The following BCAS3 variants were observed in gnomAD, a reference collection of about 807,000 sequenced individuals.
BCAS3 encodes the protein BCAS4/BCAS3 fusion.
BCAS3 carries 53 observed loss-of-function variants against 116.1 expected under a neutral mutation model. The observed-to-expected ratio is 0.46, with a 90% CI of 0.37 to 0.57. BCAS3 has a LOEUF of 0.57. BCAS3 is among the 20% of genes least tolerant of loss of function. The pLI is 0.00. For synonymous variants in BCAS3, 391 were observed against 408.2 expected (o/e 0.96, Z 0.51); for missense variants, 917 against 1,165.4 (o/e 0.79, Z 3.10).
chr17:60,995,447 C>T lies in BCAS3; in HGVS notation c.1486+5212C>T, dbSNP rs1386256089. Reference sequence around the variant, plus strand: ...AAAGTGCTGGGATTACAGACATGAGCCACCGCGCCCAGCCGAATTTTTGTA... The same window carrying T: ...AAAGTGCTGGGATTACAGACATGAGTCACCGCGCCCAGCCGAATTTTTGTA... On this transcript the variant is annotated intron_variant, in intron 15 of 23. Coordinates refer to ENST00000407086, the MANE Select transcript of BCAS3 (RefSeq NM_017679.5). This position sits in a 1 kb window ranked among gnomAD's most constrained non-coding sequence, Gnocchi z 4.7. Among the ~76,000 whole-genome samples, 1 of 152,002 alleles carries T rather than the reference C, an allele frequency of 6.6e-6. No homozygotes were observed. The highest frequency in any genetic ancestry group is 1.5e-5 in the Non-Finnish European group (1 of 67,992).
chr17:60,784,169 G>A (rs992816553), intron 6 of BCAS3, among the ~76,000 whole-genome samples: 3 of 151,526 alleles, frequency 2.0e-5, no homozygotes, highest in Admixed American at 6.6e-5. Flanking sequence ...ATCTAAAGGA[G>A]TGCAGCATTT....
rs1568901207 is a variant in BCAS3, at chr17:61,343,769, C to T, written c.2426-24558C>T. 6.6e-6 allele frequency among the ~76,000 whole-genome samples: 1 copy of T among 152,212 alleles called. No individual in the cohort carries two copies. The highest frequency in any genetic ancestry group is 2.1e-4 in the South Asian group (1 of 4,834). On this transcript the variant is annotated intron_variant, in intron 22 of 23. Transcript: ENST00000407086. The surrounding 1 kb of genome is among the most constrained non-coding windows in gnomAD (Gnocchi z 5.5). Reference sequence around the variant, plus strand: ...TGTCTAAGTCAAAAGCAGCTTAATTCCTCTAAAAACAGTGCCCGTTGGGCA... The same window carrying T: ...TGTCTAAGTCAAAAGCAGCTTAATTTCTCTAAAAACAGTGCCCGTTGGGCA...
intron 12 of BCAS3, among the ~76,000 whole-genome samples, chr17:60,913,369 T>G (rs1355000788): frequency 6.6e-6 from 1 of 152,106 alleles, no homozygotes; most frequent in Admixed American, 6.5e-5. Context: ...AAATTGATTT[T>G]CAATAAAAGG....
chr17:60,914,329 T>G (rs947262234), intron 12 of BCAS3, among the ~76,000 whole-genome samples: 11 of 152,210 alleles, frequency 7.2e-5, no homozygotes, highest in African/African-American at 2.7e-4. Flanking sequence ...TTTATATTTG[T>G]GAAGTCCATA....
intron 5 of BCAS3, among the ~76,000 whole-genome samples, chr17:60,736,428 C>T (rs1037461117): frequency 2.6e-5 from 4 of 151,918 alleles, no homozygotes; most frequent in Non-Finnish European, 4.4e-5. Context: ...TCAAGTGATC[C>T]ACCCACGTCA....
Position 61,199,452 on chromosome 17 carries a change from C to T in BCAS3, c.2425+114888C>T, listed in dbSNP as rs1221284063. On this transcript the variant is annotated intron_variant, in intron 22 of 23. Transcript: ENST00000407086. This position sits in a 1 kb window ranked among gnomAD's most constrained non-coding sequence, Gnocchi z 4.6. ...CCCCTAGTTTAAAGGCAAATAGTAG[C>T]TATCACAACCAAATTTAGAATGTGA... Among the ~76,000 whole-genome samples, 1 of 152,188 alleles carries T rather than the reference C, an allele frequency of 6.6e-6. No individual in the cohort carries two copies. Among genetic ancestry groups the T allele is most frequent in the Non-Finnish European group, 1.5e-5 (1 of 68,022 alleles).
rs140362568 is a variant in BCAS3, at chr17:61,095,757, G to A, written c.2425+11193G>A. On this transcript the variant is annotated intron_variant, in intron 22 of 23. Coordinates refer to ENST00000407086, the MANE Select transcript of BCAS3 (RefSeq NM_017679.5). The surrounding 1 kb of genome is among the most constrained non-coding windows in gnomAD (Gnocchi z 4.7). ...GCTGGGATTACAGGTATTAGCCACC[G>A]CACCTGACTGGGGTCCTGAGTTTTT... Among the ~76,000 whole-genome samples the A allele has an allele frequency of 5.9e-5, 9 of 152,058 alleles. No individual in the cohort carries two copies. Among genetic ancestry groups the A allele is most frequent in the Non-Finnish European group, 8.8e-5 (6 of 68,000 alleles).
chr17:61,067,730 A>AC (rs1305167837), intron 19 of BCAS3, among the ~76,000 whole-genome samples: 3 of 137,086 alleles, frequency 2.2e-5, no homozygotes, highest in Non-Finnish European at 1.5e-5. Flanking sequence ...AACAAACAAA[A>AC]AAAAAAAAAA....
At chr17:61,053,635 G>A (rs968840813) in intron 19 of BCAS3, among the ~76,000 whole-genome samples, 1 of 152,162 alleles carries the variant, frequency 6.6e-6, no homozygotes, top group Non-Finnish European at 1.5e-5. Flanking sequence ...TGTACATGGT[G>A]GAGGTACTCA....
At chr17:60,810,368 CG>C (rs926161057) in intron 7 of BCAS3, 13 of 443,112 alleles carry the variant, frequency 2.9e-5, no homozygotes, top group South Asian at 1.3e-4. Flanking sequence ...GTGGGGATGG[CG>C]GGGGGTCTGG....
intron 22 of BCAS3, among the ~76,000 whole-genome samples, chr17:61,288,527 C>T (rs1027310168): frequency 6.6e-6 from 1 of 152,120 alleles, no homozygotes; most frequent in Non-Finnish European, 1.5e-5. Context: ...TCCTTGTTGG[C>T]AAATGTGGTG....
intron 19 of BCAS3, among the ~76,000 whole-genome samples, chr17:61,050,423 G>C (rs2068754571): frequency 1.3e-5 from 2 of 151,836 alleles, no homozygotes; most frequent in Admixed American, 1.3e-4. Context: ...ATATATATGT[G>C]TGTACACAGT....
chr17:60,767,860 G>A (rs2044274811), intron 6 of BCAS3, among the ~76,000 whole-genome samples: 1 of 152,114 alleles, frequency 6.6e-6, no homozygotes, highest in African/African-American at 2.4e-5. Context: ...GAGTTCAGTG[G>A]CGTGATCATG....
Position 61,088,437 on chromosome 17 carries a change from A to G in BCAS3, c.2425+3873A>G, listed in dbSNP as rs1301110456. Among the ~76,000 whole-genome samples the G allele has an allele frequency of 2.0e-5, 3 of 152,192 alleles. No individual in the cohort carries two copies. The highest frequency in any genetic ancestry group is 7.2e-5 in the African/African-American group (3 of 41,464). On this transcript the variant is annotated intron_variant, in intron 22 of 23. Coordinates refer to ENST00000407086, the MANE Select transcript of BCAS3 (RefSeq NM_017679.5). This position sits in a 1 kb window ranked among gnomAD's most constrained non-coding sequence, Gnocchi z 4.2. ...GTATTTCTAGCCAAAGCACTGCATC[A>G]ATTTATTCATTTTCCTGTATGTTCA...
chr17:60,995,173 G>T lies in BCAS3; in HGVS notation c.1486+4938G>T, dbSNP rs1231716931. Among the ~76,000 whole-genome samples, 2 of 151,488 alleles carry T rather than the reference G, an allele frequency of 1.3e-5. No individual in the cohort carries two copies. The highest frequency in any genetic ancestry group is 3.9e-4 in the East Asian group (2 of 5,166). On this transcript the variant is annotated intron_variant, in intron 15 of 23. Transcript: ENST00000407086. The surrounding 1 kb of genome is among the most constrained non-coding windows in gnomAD (Gnocchi z 4.7). ...TATTCTATTCTTTTCTTTTCTTTTAGACGGAGTCTTGCTCTGTCTCCCAGG... is the reference window on the plus strand; with the variant it reads ...TATTCTATTCTTTTCTTTTCTTTTATACGGAGTCTTGCTCTGTCTCCCAGG...
chr17:61,257,204 G>A (rs1473702001), intron 22 of BCAS3, among the ~76,000 whole-genome samples: 1 of 151,940 alleles, frequency 6.6e-6, no homozygotes, highest in Non-Finnish European at 1.5e-5. Context: ...GGCAGATCAC[G>A]AGGTCAGGAG....
intron 5 of BCAS3, among the ~76,000 whole-genome samples, chr17:60,746,015 A>G (rs1376062013): frequency 3.3e-5 from 5 of 152,116 alleles, no homozygotes; most frequent in Non-Finnish European, 7.4e-5. Context: ...TTTATCATGT[A>G]TACATCTTTG....
chr17:60,684,851 A>G (rs2033784014), intron 3 of BCAS3, among the ~76,000 whole-genome samples: 1 of 152,150 alleles, frequency 6.6e-6, no homozygotes, highest in Non-Finnish European at 1.5e-5. Context: ...TCATAGATCC[A>G]GTGTCCCAGC....
At chr17:60,851,812 A>G in intron 7 of BCAS3, 4 of 1,290,006 alleles carry the variant, frequency 3.1e-6, no homozygotes, top group Non-Finnish European at 4.4e-6. Flanking sequence ...GAATATTTTT[A>G]TCAACTATTT....
Sources: allele counts gnomAD v4.1 joint callset (sites outside exome capture counted in the v4.1 genomes callset), GRCh38; gene constraint gnomAD v4.1.1; non-coding constraint Gnocchi (gnomAD v3.1); transcripts MANE v1.5; gene names NCBI Gene and HGNC (gene_info 2026-07-23, HGNC 2026-07-21).